The following FBXL7 variants were observed in gnomAD, a reference collection of about 807,000 sequenced individuals.
FBXL7 encodes F-box/LRR-repeat protein 7.
A neutral mutation model predicts 38.3 loss-of-function variants in FBXL7; 12 were observed. The ratio of observed to expected loss-of-function variants is 0.31; its 90% confidence interval spans 0.20 to 0.51. The LOEUF (loss-of-function observed/expected upper bound fraction) is 0.51, where lower values mean the gene tolerates loss of function less well. FBXL7 is among the 20% of genes least tolerant of loss of function. The pLI is 0.98. For synonymous variants in FBXL7, 297 were observed against 300.9 expected (o/e 0.99, Z 0.13); for missense variants, 567 against 676.4 (o/e 0.84, Z 1.79).
At chr5:15,563,891 C>CT (rs1379494859) in intron 1 of FBXL7, among the ~76,000 whole-genome samples, 1 of 151,310 alleles carries the variant, frequency 6.6e-6, no homozygotes, top group Non-Finnish European at 1.5e-5. Context: ...TGTGCCTTTA[C>CT]TTTCTAAATA....
chr5:15,815,440 A>G (rs1417125368), intron 2 of FBXL7, among the ~76,000 whole-genome samples: 1 of 152,200 alleles, frequency 6.6e-6, no homozygotes, highest in African/African-American at 2.4e-5. Context: ...CTTTTCCTAA[A>G]CTATTGCATA....
intron 1 of FBXL7, among the ~76,000 whole-genome samples, chr5:15,571,968 A>C (rs984648290): frequency 5.3e-5 from 8 of 152,286 alleles, no homozygotes; most frequent in African/African-American, 9.6e-5. Context: ...CAGAATTATC[A>C]GAGCTTCCAG....
At chr5:15,658,435 C>T (rs1741949617) in intron 2 of FBXL7, among the ~76,000 whole-genome samples, 2 of 152,104 alleles carry the variant, frequency 1.3e-5, no homozygotes, top group Admixed American at 1.3e-4. Flanking sequence ...AGGGCAGTTT[C>T]CCCCATCGTG....
At chr5:15,534,926 T>C (rs1484921900) in intron 1 of FBXL7, among the ~76,000 whole-genome samples, 1 of 152,220 alleles carries the variant, frequency 6.6e-6, no homozygotes, top group African/African-American at 2.4e-5. Context: ...TAATCCCCCA[T>C]GTCAGGGGAG....
At chr5:15,591,271 T>G (rs2126480610) in intron 1 of FBXL7, among the ~76,000 whole-genome samples, 1 of 151,908 alleles carries the variant, frequency 6.6e-6, no homozygotes, top group South Asian at 2.1e-4. Flanking sequence ...CTACTAAAAA[T>G]ACAAAAAGTT....
intron 2 of FBXL7, among the ~76,000 whole-genome samples, chr5:15,875,376 T>C (rs1296320839): frequency 6.6e-6 from 1 of 152,172 alleles, no homozygotes; most frequent in African/African-American, 2.4e-5. Context: ...CCAAAAGCAA[T>C]GGCAACAAAA....
At chr5:15,611,755 G>A (rs1279938662) in intron 1 of FBXL7, among the ~76,000 whole-genome samples, 1 of 151,962 alleles carries the variant, frequency 6.6e-6, no homozygotes, top group African/African-American at 2.4e-5. Flanking sequence ...GGCCAAGGTG[G>A]GAGGATTGCC....
At chr5:15,688,849 G>C (rs1743096218) in intron 2 of FBXL7, among the ~76,000 whole-genome samples, 1 of 152,206 alleles carries the variant, frequency 6.6e-6, no homozygotes. Flanking sequence ...GGCAGTGCCT[G>C]AGAGTTTTGT....
At chr5:15,647,824 GATAA>G (rs536773634) in intron 2 of FBXL7, among the ~76,000 whole-genome samples, 21 of 152,320 alleles carry the variant, frequency 1.4e-4, no homozygotes, top group Admixed American at 2.0e-4. Context: ...TCATTTTACA[GATAA>G]ATAAATTTAG....
intron 2 of FBXL7, among the ~76,000 whole-genome samples, chr5:15,807,222 G>A (rs1414191703): frequency 6.6e-6 from 1 of 152,190 alleles, no homozygotes; most frequent in Non-Finnish European, 1.5e-5. Flanking sequence ...GATTACAGGT[G>A]TGAGCCACCA....
intron 2 of FBXL7, among the ~76,000 whole-genome samples, chr5:15,925,518 G>A (rs1038824374): frequency 6.6e-6 from 1 of 152,202 alleles, no homozygotes; most frequent in African/African-American, 2.4e-5. Flanking sequence ...ACTACAAGTA[G>A]GGGGAGACTT....
intron 1 of FBXL7, among the ~76,000 whole-genome samples, chr5:15,517,734 C>T (rs1485082466): frequency 6.6e-6 from 1 of 152,140 alleles, no homozygotes; most frequent in Non-Finnish European, 1.5e-5. Flanking sequence ...TAAGGGGGAC[C>T]CTTCTCCACT....
In FBXL7 at chr5:15,707,174, G is replaced by GTTTTTTTTTTTTTTTTTTT. The variant is rs71603796; in HGVS notation, c.127+91107_127+91125dup. 2.6e-3 allele frequency among the ~76,000 whole-genome samples: 184 copies of GTTTTTTTTTTTTTTTTTTT among 70,414 alleles called. 2 individuals are homozygous for GTTTTTTTTTTTTTTTTTTT. The highest frequency in any genetic ancestry group is 2.7e-3 in the Non-Finnish European group (112 of 40,980). The allele number at this position is 70,414 out of a possible 152,430, so 46.2% of individuals were successfully genotyped here. ...AGGTAGTGTTTCTTTTTTTCTTTTC[G>GTTTTTTTTTTTTTTTTTTT]TTTTTTTTTTTTTTTTTTTTTTTGC... On this transcript the variant is annotated intron_variant, in intron 2 of 3. Coordinates refer to ENST00000504595, the MANE Select transcript of FBXL7 (RefSeq NM_012304.5).
chr5:15,930,552 C>A (rs1046143991), intron 3 of FBXL7, among the ~76,000 whole-genome samples: 4 of 152,150 alleles, frequency 2.6e-5, no homozygotes, highest in Non-Finnish European at 4.4e-5. Flanking sequence ...AATGGAAATT[C>A]TTGCGCTTCT....
intron 2 of FBXL7, among the ~76,000 whole-genome samples, chr5:15,906,211 T>A (rs1741356726): frequency 6.6e-6 from 1 of 152,106 alleles, no homozygotes; most frequent in African/African-American, 2.4e-5. Context: ...ATTGAGGAGC[T>A]TTACACATTG....
intron 2 of FBXL7, among the ~76,000 whole-genome samples, chr5:15,627,363 G>A (rs539272732): frequency 6.6e-6 from 1 of 152,264 alleles, no homozygotes; most frequent in South Asian, 2.1e-4. Flanking sequence ...GCTTTTTGCT[G>A]TGTGAGTAGT....
intron 1 of FBXL7, among the ~76,000 whole-genome samples, chr5:15,585,953 TA>T (rs1348821633): frequency 6.6e-6 from 1 of 152,148 alleles, no homozygotes; most frequent in East Asian, 1.9e-4. Flanking sequence ...GTAGATGATG[TA>T]AAAATGATTA....
At chr5:15,513,598 G>A (rs1218625488) in intron 1 of FBXL7, among the ~76,000 whole-genome samples, 1 of 152,234 alleles carries the variant, frequency 6.6e-6, no homozygotes, top group African/African-American at 2.4e-5. Context: ...ATGGATGGAT[G>A]TGATGTCTCA....
chr5:15,563,372 A>G (rs1191172281), intron 1 of FBXL7, among the ~76,000 whole-genome samples: 1 of 152,116 alleles, frequency 6.6e-6, no homozygotes, highest in Non-Finnish European at 1.5e-5. Context: ...CTTGCATGGA[A>G]AGCAGAGACC....
Sources: allele counts gnomAD v4.1 joint callset (sites outside exome capture counted in the v4.1 genomes callset), GRCh38; gene constraint gnomAD v4.1.1; transcripts MANE v1.5; gene names NCBI Gene and HGNC (gene_info 2026-07-23, HGNC 2026-07-21).